RPAP2: variants seen among roughly 807,000 people sequenced by gnomAD.
RPAP2 encodes the protein putative RNA polymerase II subunit B1 CTD phosphatase RPAP2.
A neutral mutation model predicts 73.1 loss-of-function variants in RPAP2; 52 were observed. That is an observed-to-expected ratio of 0.71 (90% CI 0.57 to 0.90). RPAP2 has a LOEUF of 0.90. Among genes scored for constraint, RPAP2 ranks in the 40% least tolerant of loss-of-function variants. RPAP2 has a pLI of 0.00. For missense variants in RPAP2, 598 were observed against 701.8 expected, an observed-to-expected ratio of 0.85 and a Z score of 1.67; for synonymous variants, 225 against 242.1, an observed-to-expected ratio of 0.93 and a Z score of 0.65.
At chr1:92,360,561 G>C (rs890452847) in intron 11 of RPAP2, among the ~76,000 whole-genome samples, 11 of 152,168 alleles carry the variant, frequency 7.2e-5, no homozygotes, top group Admixed American at 2.0e-4. Context: ...GGCAAGGCTG[G>C]AAGAACTAGA....
intron 12 of RPAP2, among the ~76,000 whole-genome samples, chr1:92,382,455 C>T (rs1011677223): frequency 1.9e-4 from 29 of 151,980 alleles, no homozygotes; most frequent in Admixed American, 5.9e-4. Context: ...TTTTAATGAT[C>T]GCCATTCTAA....
At chr1:92,333,250 T>G (rs1653079760) in intron 8 of RPAP2, 141 bp from the exon 9 acceptor site, 3 of 626,462 alleles carry the variant, frequency 4.8e-6, no homozygotes, top group Non-Finnish European at 8.3e-6. Context: ...TACTCAAATT[T>G]AAATCTAATT....
chr1:92,345,401 AG>A (rs1458283946), intron 10 of RPAP2, among the ~76,000 whole-genome samples: 1 of 119,170 alleles, frequency 8.4e-6, no homozygotes, highest in South Asian at 3.0e-4. Context: ...AAAAAAAAAA[AG>A]AGAGAGAGAG....
intron 12 of RPAP2, among the ~76,000 whole-genome samples, chr1:92,386,127 G>A (rs1057290794): frequency 6.6e-6 from 1 of 152,184 alleles, no homozygotes; most frequent in Non-Finnish European, 1.5e-5. Flanking sequence ...CATGATGGAA[G>A]CCACAGTCTT....
intron 11 of RPAP2, among the ~76,000 whole-genome samples, chr1:92,349,591 TCTC>T (rs544030194): frequency 1.9e-3 from 282 of 152,318 alleles, no homozygotes; most frequent in African/African-American, 6.4e-3. Context: ...TAAGCCATCT[TCTC>T]CTGGTGACTT....
chr1:92,325,578 TACATA>T (rs942252926), intron 8 of RPAP2, among the ~76,000 whole-genome samples: 13 of 152,278 alleles, frequency 8.5e-5, no homozygotes, highest in East Asian at 3.9e-4. Flanking sequence ...CCAAAAATGT[TACATA>T]ACATGTTAAA....
At chr1:92,323,257 C>T (rs998135584) in intron 7 of RPAP2, among the ~76,000 whole-genome samples, 188 bp from the exon 8 acceptor site, 1 of 151,476 alleles carries the variant, frequency 6.6e-6, no homozygotes, top group African/African-American at 2.4e-5. Context: ...AACAGATGTA[C>T]TGAAATTATA....
rs768233247 is a variant in RPAP2, at chr1:92,323,663, T to A, written c.743T>A (p.Met248Lys). 6.2e-7 allele frequency: 1 copy of A among 1,613,324 alleles called. No individual in the cohort carries two copies. Among genetic ancestry groups the A allele is most frequent in the Non-Finnish European group, 8.5e-7 (1 of 1,179,792 alleles). The change falls in exon 8 of 13, where the codon ATG (methionine) becomes AAG (lysine). Residue 248 changes from methionine (M) to lysine (K), a missense_variant. By Grantham distance (95) the Met-to-Lys change is moderately conservative. Coordinates refer to ENST00000610020, the MANE Select transcript of RPAP2 (RefSeq NM_024813.3). Reference sequence around the variant, plus strand: ...CCACAGCTGCACCAAAAAAGCATAATGAAAAAGAAAGCTGGTCACAAAGCT... The same window carrying A: ...CCACAGCTGCACCAAAAAAGCATAAAGAAAAAGAAAGCTGGTCACAAAGCT... ...IRPQLHQKSI[M>K]KKKAGHKANS...
intron 11 of RPAP2, among the ~76,000 whole-genome samples, chr1:92,352,718 A>G (rs1654278727): frequency 6.6e-6 from 1 of 152,228 alleles, no homozygotes; most frequent in Non-Finnish European, 1.5e-5. Context: ...CATCATTTGT[A>G]TATTTTAAAA....
intron 7 of RPAP2, 114 bp from the exon 8 acceptor site, chr1:92,323,331 T>C (rs758923844): frequency 6.4e-6 from 4 of 622,558 alleles, no homozygotes; most frequent in Non-Finnish European, 1.0e-5. Context: ...AATAAAAATT[T>C]CTACCTTGAA....
intron 11 of RPAP2, among the ~76,000 whole-genome samples, chr1:92,368,877 C>T (rs998447493): frequency 1.3e-5 from 2 of 152,146 alleles, no homozygotes; most frequent in South Asian, 2.1e-4. Context: ...TTTGTTGTTA[C>T]GCCACTTACC....
chr1:92,337,065 G>A (rs1653320700), intron 10 of RPAP2, among the ~76,000 whole-genome samples: 1 of 151,998 alleles, frequency 6.6e-6, no homozygotes, highest in Non-Finnish European at 1.5e-5. Context: ...TATTAGTAGA[G>A]GTGTACCAAA....
chr1:92,365,842 A>G (rs1654913675), intron 11 of RPAP2, among the ~76,000 whole-genome samples: 1 of 152,246 alleles, frequency 6.6e-6, no homozygotes, highest in African/African-American at 2.4e-5. Flanking sequence ...TCTAGCGGTT[A>G]GAAGTGTAGA....
intron 4 of RPAP2, 65 bp downstream of exon 4, chr1:92,304,140 G>GT (rs1213849713): frequency 2.3e-6 from 3 of 1,322,392 alleles, no homozygotes; most frequent in Middle Eastern, 1.8e-4. Flanking sequence ...ATACTTTGTT[G>GT]TAAGAATAAG....
chr1:92,323,723 T>C lies in RPAP2; in HGVS notation c.803T>C (p.Val268Ala). The C allele has an allele frequency of 6.2e-7, 1 of 1,614,118 alleles. No individual in the cohort carries two copies. Residue 268 changes from valine (V) to alanine (A), a missense_variant, in exon 8 of 13, where the codon GTA becomes GCA. By Grantham distance (64) the Val-to-Ala change is moderately conservative. Around this residue, in one of 3 missense-constraint regions of RPAP2, gnomAD observed 506 missense variants for 612.8 expected, o/e 0.83. Transcript: ENST00000610020. Reference protein sequence around the residue: ...SKHKDKEQTVVDVTEQLGDCK... With the variant: ...SKHKDKEQTVADVTEQLGDCK... ...CACAAAGACAAAGAACAGACAGTAGTAGATGTCACTGAGCAGTTAGGCGAT... is the reference window on the plus strand; with the variant it reads ...CACAAAGACAAAGAACAGACAGTAGCAGATGTCACTGAGCAGTTAGGCGAT...
chr1:92,334,490 T>G (rs1653154852), intron 9 of RPAP2, among the ~76,000 whole-genome samples: 1 of 152,114 alleles, frequency 6.6e-6, no homozygotes, highest in Non-Finnish European at 1.5e-5. Context: ...GAGATAAAAA[T>G]GGAAACAGTT....
chr1:92,330,681 A>C (rs1267478732), intron 8 of RPAP2, among the ~76,000 whole-genome samples: 1 of 151,988 alleles, frequency 6.6e-6, no homozygotes, highest in African/African-American at 2.4e-5. Flanking sequence ...CGAACTCGTG[A>C]GCTCAAGTGA....
At chr1:92,382,776 G>A (rs1273728123) in intron 12 of RPAP2, among the ~76,000 whole-genome samples, 2 of 152,080 alleles carry the variant, frequency 1.3e-5, no homozygotes, top group Non-Finnish European at 2.9e-5. Context: ...AGTTTAATTA[G>A]ATCCCATTTG....
In RPAP2 at chr1:92,323,651, A is replaced by G. The variant is rs1441568252; in HGVS notation, c.731A>G (p.Gln244Arg). Residue 244 changes from glutamine to arginine, a missense_variant, in exon 8 of 13, where the codon CAA becomes CGA. Gln to Arg is a conservative substitution (Grantham distance 43, BLOSUM62 1). Coordinates refer to ENST00000610020, the MANE Select transcript of RPAP2 (RefSeq NM_024813.3). ...ACAAATATTAGACCACAGCTGCACC[A>G]AAAAAGCATAATGAAAAAGAAAGCT... ...NSTNIRPQLH[Q>R]KSIMKKKAGH... 6.2e-7 allele frequency: 1 copy of G among 1,613,436 alleles called. No individual in the cohort carries two copies. Among genetic ancestry groups the G allele is most frequent in the Admixed American group, 1.7e-5 (1 of 59,858 alleles).
Sources: gnomAD v4.1 joint callset for allele counts (sites outside exome capture counted in the v4.1 genomes callset) on GRCh38, gnomAD v4.1.1 for gene constraint, gnomAD v4.1.1 regional missense constraint, MANE v1.5 for transcripts, NCBI Gene and HGNC (gene_info 2026-07-23, HGNC 2026-07-21) for gene names.